SUMF1: variants seen among roughly 807,000 people sequenced by gnomAD.
SUMF1 encodes formylglycine-generating enzyme.
In SUMF1, 48 loss-of-function variants were observed where a neutral mutation model predicts 47.6. The observed-to-expected ratio is 1.01, with a 90% CI of 0.80 to 1.28. The LOEUF (loss-of-function observed/expected upper bound fraction) is 1.28. SUMF1 is among the 50% of genes most tolerant of loss of function. The pLI is 0.00. For missense variants in SUMF1, 571 were observed against 485.4 expected (o/e 1.18, Z -1.66); for synonymous variants, 230 against 192.1 (o/e 1.20, Z -1.63).
chr3:4,178,661 A>T (rs1324081323), intron 8 of SUMF1, among the ~76,000 whole-genome samples: 1 of 152,190 alleles, frequency 6.6e-6, no homozygotes, highest in African/African-American at 2.4e-5. Flanking sequence ...CACCACTCCT[A>T]TTCAACATAG....
rs954252050 is a variant in SUMF1, at chr3:4,298,140, G to T, written c.1014+78190C>A. Among the ~76,000 whole-genome samples the T allele has an allele frequency of 2.0e-5, 3 of 152,222 alleles. No individual in the cohort carries two copies. The East Asian group carries it at 5.8e-4, about 29-fold the overall frequency. ...AATGCAATATTCAGTTCCAAAACCT[G>T]TTTATGGAAATCTATTAGGGCAATT... On this transcript the variant is annotated intron_variant and NMD_transcript_variant, in intron 8 of 12. Coordinates refer to the SUMF1 transcript ENST00000448413.
At position 4,222,605 on chromosome 3, in the gene SUMF1, GTCA is replaced by G. The variant is rs559980316; in HGVS notation, c.1014+153722_1014+153724del. On this transcript the variant is annotated intron_variant and NMD_transcript_variant, in intron 8 of 12. Coordinates refer to the SUMF1 transcript ENST00000448413. ...TCCTAGCTCTCTACCCGGAGGGCCT[GTCA>G]TCATCATCTCCTGACACCAAGTGCA... is the stretch of plus-strand genomic sequence containing the variant. Among the ~76,000 whole-genome samples, 17 of 152,144 alleles carry G rather than the reference GTCA, an allele frequency of 1.1e-4. No homozygotes were observed. The East Asian group carries it at 2.9e-3, about 26-fold the overall frequency.
chr3:4,211,121 TACACACACAC>T (rs1553609385), intron 8 of SUMF1, among the ~76,000 whole-genome samples: 4 of 128,280 alleles, frequency 3.1e-5, no homozygotes, highest in African/African-American at 9.0e-5. Context: ...TATATATATA[TACACACACAC>T]ACACATATAT....
chr3:4,145,874 C>T (rs188235513), intron 8 of SUMF1, among the ~76,000 whole-genome samples: 6 of 152,212 alleles, frequency 3.9e-5, no homozygotes, highest in Admixed American at 2.0e-4. Context: ...CTTTTCCCCC[C>T]GTCTACAGCT....
chr3:4,251,063 A>G (rs313677), intron 8 of SUMF1, among the ~76,000 whole-genome samples: 99,963 of 151,954 alleles, frequency 0.66, 34,124 homozygotes, highest in African/African-American at 0.84. Context: ...TGATGGTCCT[A>G]GGCAAAGCAA....
intron 4 of SUMF1, among the ~76,000 whole-genome samples, chr3:4,419,251 G>A (rs17685357): frequency 0.018 from 2,705 of 152,244 alleles, 28 homozygotes; most frequent in African/African-American, 0.024. Flanking sequence ...TTTCCACCTC[G>A]AAGCCTAATT....
At position 4,316,814 on chromosome 3, in the gene SUMF1, T is replaced by C. The variant is rs975461121; in HGVS notation, c.1014+59516A>G. 3 of 1,550,542 alleles carry C rather than the reference T, an allele frequency of 1.9e-6. No homozygotes were observed. The African/African-American group carries it at 4.1e-5, about 21-fold the overall frequency. On this transcript the variant is annotated intron_variant and NMD_transcript_variant, in intron 8 of 12. Coordinates refer to the SUMF1 transcript ENST00000448413. Reference sequence around the variant, plus strand: ...TCACTATTTGGTGGTCTGCTGCTGGTCTGATCCACTACAGCTTTCTGAATC... The same window carrying C: ...TCACTATTTGGTGGTCTGCTGCTGGCCTGATCCACTACAGCTTTCTGAATC...
At chr3:4,237,917 C>T (rs1328103288) in intron 8 of SUMF1, among the ~76,000 whole-genome samples, 1 of 152,090 alleles carries the variant, frequency 6.6e-6, no homozygotes, top group African/African-American at 2.4e-5. Flanking sequence ...GGTCCTAATG[C>T]TATCCCTCCC....
chr3:4,133,030 A>G lies in SUMF1; in HGVS notation c.1015-64285T>C, dbSNP rs117112022. On this transcript the variant is annotated intron_variant and NMD_transcript_variant, in intron 8 of 12. Coordinates refer to the SUMF1 transcript ENST00000448413. ...TAGGTGCTTGGTGAAGGCAAAGGGA[A>G]TACAGAATGGGTATTGGAATAACGT... Among the ~76,000 whole-genome samples, 32 of 152,288 alleles carry G rather than the reference A, an allele frequency of 2.1e-4. No individual in the cohort carries two copies. The East Asian group carries it at 6.0e-3, about 28-fold the overall frequency.
At chr3:4,188,773 A>G (rs2125140379) in intron 8 of SUMF1, among the ~76,000 whole-genome samples, 1 of 152,278 alleles carries the variant, frequency 6.6e-6, no homozygotes, top group South Asian at 2.1e-4. Flanking sequence ...TACCTCAAAA[A>G]GTGTGAGAAT....
intron 9 of SUMF1, among the ~76,000 whole-genome samples, chr3:4,037,965 A>T (rs190458131): frequency 2.1e-4 from 32 of 152,190 alleles, no homozygotes; most frequent in African/African-American, 7.7e-4. Context: ...GTATGATCCA[A>T]TAGGTGGCAC....
intron 8 of SUMF1, among the ~76,000 whole-genome samples, chr3:4,134,837 T>C (rs559115674): frequency 5.3e-5 from 8 of 152,058 alleles, no homozygotes; most frequent in Admixed American, 2.6e-4. Context: ...GAGAATACTA[T>C]AAACACCTCT....
At chr3:4,148,991 T>C (rs903220625) in intron 8 of SUMF1, among the ~76,000 whole-genome samples, 10 of 147,168 alleles carry the variant, frequency 6.8e-5, no homozygotes, top group African/African-American at 2.5e-4. Context: ...TCCCATTTAG[T>C]TGAATTTATG....
chr3:4,109,483 T>C (rs1693241373), intron 8 of SUMF1, among the ~76,000 whole-genome samples: 1 of 152,144 alleles, frequency 6.6e-6, no homozygotes, highest in African/African-American at 2.4e-5. Context: ...CCTTGCTAGA[T>C]TGGGGAAGTT....
chr3:4,414,168 A>G (rs922165904), intron 6 of SUMF1, among the ~76,000 whole-genome samples: 3 of 152,092 alleles, frequency 2.0e-5, no homozygotes, highest in East Asian at 1.9e-4. Flanking sequence ...CCTGGCCCCA[A>G]ACAAATTTTT....
At position 4,256,000 on chromosome 3, in the gene SUMF1, T is replaced by C. The variant is rs548084526; in HGVS notation, c.1014+120330A>G. On this transcript the variant is annotated intron_variant and NMD_transcript_variant, in intron 8 of 12. Coordinates refer to the SUMF1 transcript ENST00000448413. Reference sequence around the variant, plus strand: ...TCAACTACATGCAAACTGAACAACCTGCTCCTGAATGACTACTGGGTACAT... The same window carrying C: ...TCAACTACATGCAAACTGAACAACCCGCTCCTGAATGACTACTGGGTACAT... Among the ~76,000 whole-genome samples the C allele has an allele frequency of 8.8e-4, 131 of 149,662 alleles. 1 individual carries two copies. Among genetic ancestry groups the C allele is most frequent in the Admixed American group, 5.1e-3 (76 of 15,008 alleles).
intron 9 of SUMF1, among the ~76,000 whole-genome samples, chr3:4,040,975 G>A (rs1307453800): frequency 1.3e-5 from 2 of 151,872 alleles, no homozygotes; most frequent in Non-Finnish European, 2.9e-5. Context: ...AGTAACCTCA[G>A]GTTGGGTGCC....
At chr3:4,219,811 A>C (rs1458315932) in intron 8 of SUMF1, among the ~76,000 whole-genome samples, 2 of 152,132 alleles carry the variant, frequency 1.3e-5, no homozygotes, top group African/African-American at 4.8e-5. Context: ...GTGTTTAGGA[A>C]TTTGCATTTT....
chr3:4,394,091 T>G (rs1272061883), intron 7 of SUMF1, among the ~76,000 whole-genome samples: 3 of 152,190 alleles, frequency 2.0e-5, no homozygotes, highest in Non-Finnish European at 2.9e-5. Context: ...TTTTTGAGAT[T>G]TGATAATACC....
Sources: gnomAD v4.1 joint callset for allele counts (sites outside exome capture counted in the v4.1 genomes callset) on GRCh38, gnomAD v4.1.1 for gene constraint, MANE v1.5 for transcripts, NCBI Gene and HGNC (gene_info 2026-07-23, HGNC 2026-07-21) for gene names.